Variants in CD163L1 observed in about 807,000 individuals in gnomAD.
The protein encoded by CD163L1 is scavenger receptor cysteine-rich type 1 protein M160.
Under a neutral mutation model 165.4 loss-of-function variants are expected in CD163L1, and 124 were observed. The observed-to-expected ratio is 0.75, with a 90% CI of 0.65 to 0.87. CD163L1 has a LOEUF of 0.87. CD163L1 is among the 40% of genes least tolerant of loss of function. The pLI is 0.00. For missense variants in CD163L1, 1,525 were observed against 1,799.9 expected, an observed-to-expected ratio of 0.85 and a Z score of 2.76; for synonymous variants, 585 against 662.2, an observed-to-expected ratio of 0.88 and a Z score of 1.79.
intron 8 of CD163L1, among the ~76,000 whole-genome samples, chr12:7,383,596 C>CT (rs749299527): frequency 5.9e-5 from 9 of 152,312 alleles, no homozygotes; most frequent in Admixed American, 6.5e-5. Flanking sequence ...ACCACCACCA[C>CT]TGAGGCTCAA....
At chr12:7,418,873 G>A (rs1331218246) in intron 4 of CD163L1, among the ~76,000 whole-genome samples, 1 of 151,948 alleles carries the variant, frequency 6.6e-6, no homozygotes, top group East Asian at 1.9e-4. Context: ...CAGTGATATT[G>A]AAATGGTAAT....
intron 2 of CD163L1, among the ~76,000 whole-genome samples, chr12:7,435,177 G>A (rs1313784669): frequency 2.0e-5 from 3 of 151,430 alleles, no homozygotes; most frequent in East Asian, 1.9e-4. Context: ...TTTTTTCAAC[G>A]TGTACATTAG....
chr12:7,323,434 C>A, the CD163L1 span: 1 of 1,609,924 alleles, frequency 6.2e-7, no homozygotes. Context: ...AATTTTAAGA[C>A]CATCAATTAT....
chr12:7,421,427 A>G (rs1465894161), intron 4 of CD163L1, among the ~76,000 whole-genome samples: 6 of 120,400 alleles, frequency 5.0e-5, no homozygotes, highest in African/African-American at 2.0e-4. Context: ...ATATACATAT[A>G]TGTACATATA....
At chr12:7,331,630 T>A in the CD163L1 span, among the ~76,000 whole-genome samples, 4 of 152,092 alleles carry the variant, frequency 2.6e-5, no homozygotes, top group Admixed American at 6.5e-5. Flanking sequence ...TTCACCAATA[T>A]CCGCTGTTCT....
intron 4 of CD163L1, among the ~76,000 whole-genome samples, chr12:7,415,521 C>T (rs1325663235): frequency 6.6e-6 from 1 of 152,070 alleles, no homozygotes; most frequent in African/African-American, 2.4e-5. Context: ...TGGTTTGGGG[C>T]ACCCATCAAC....
chr12:7,403,547 C>T lies in CD163L1; in HGVS notation c.1396G>A (p.Val466Ile). Residue 466 changes from valine (V) to isoleucine (I), a missense_variant, in exon 6 of 20, where the codon GTA becomes ATA. Transcript: ENST00000313599. ...CTTTGAACCTTACCAGAACAAATTA[C>T]TCCAGCATCTGATCTTCGGAAGCAT... ...RTCFRRSDAG[V>I]ICSDKADLDL... 6.2e-7 allele frequency: 1 copy of T among 1,612,062 alleles called. No homozygotes were observed. The highest frequency in any genetic ancestry group is 1.3e-5 in the African/African-American group (1 of 75,012).
intron 4 of CD163L1, among the ~76,000 whole-genome samples, chr12:7,416,326 C>G (rs900592011): frequency 1.3e-5 from 2 of 152,112 alleles, no homozygotes; most frequent in African/African-American, 4.8e-5. Flanking sequence ...AGCCCTTTGT[C>G]AGAAGGATAG....
chr12:7,380,307 A>G (rs117476401), intron 8 of CD163L1, among the ~76,000 whole-genome samples: 2,229 of 147,488 alleles, frequency 0.015, 46 homozygotes, highest in East Asian at 0.068. Flanking sequence ...GTGTGTATAC[A>G]CATATACATA....
intron 5 of CD163L1, among the ~76,000 whole-genome samples, chr12:7,406,325 A>G (rs922356046): frequency 2.0e-5 from 3 of 152,208 alleles, no homozygotes; most frequent in Admixed American, 2.0e-4. Context: ...CCTTATTCCC[A>G]TGAGGCTTAC....
chr12:7,337,630 C>T, the CD163L1 span, among the ~76,000 whole-genome samples: 1 of 152,132 alleles, frequency 6.6e-6, no homozygotes, highest in Admixed American at 6.5e-5. Context: ...CCATCCCACG[C>T]CAGTTAGAAT....
chr12:7,401,179 T>C (rs1947909600), intron 6 of CD163L1, among the ~76,000 whole-genome samples: 1 of 152,188 alleles, frequency 6.6e-6, no homozygotes, highest in Admixed American at 6.6e-5. Context: ...CACTGTAAAA[T>C]AGAGATAGAA....
chr12:7,418,304 C>A (rs1948285936), intron 4 of CD163L1, among the ~76,000 whole-genome samples: 1 of 151,938 alleles, frequency 6.6e-6, no homozygotes. Context: ...ACAATGAAAT[C>A]ATGATGGAAA....
chr12:7,399,954 G>T (rs1947885051), intron 6 of CD163L1, among the ~76,000 whole-genome samples: 1 of 152,022 alleles, frequency 6.6e-6, no homozygotes, highest in African/African-American at 2.4e-5. Context: ...TTTATAATGG[G>T]TCACTTTAAA....
chr12:7,358,518 T>C (rs1388380615), intron 18 of CD163L1, among the ~76,000 whole-genome samples: 1 of 152,084 alleles, frequency 6.6e-6, no homozygotes, highest in African/African-American at 2.4e-5. Flanking sequence ...GGAGCCCCAA[T>C]GACAACAGGG....
downstream of CD163L1, among the ~76,000 whole-genome samples, chr12:7,346,405 G>T (rs1381684574): frequency 6.6e-6 from 1 of 151,552 alleles, no homozygotes; most frequent in Non-Finnish European, 1.5e-5. Flanking sequence ...TTTGGCTTGT[G>T]TGTGTCTTTC....
the CD163L1 span, among the ~76,000 whole-genome samples, chr12:7,337,394 G>C: frequency 6.6e-6 from 1 of 152,100 alleles, no homozygotes; most frequent in Non-Finnish European, 1.5e-5. Context: ...CCTACAGAAT[G>C]GGAGAAAATT....
rs143458378 is a variant in CD163L1, at chr12:7,404,896, G to C, written c.1088-1041C>G. Reference sequence around the variant, plus strand: ...CATGATATAAGAAATCTGCAACTTGGAGATTGATTTATACAGGGTCACATA... The same window carrying C: ...CATGATATAAGAAATCTGCAACTTGCAGATTGATTTATACAGGGTCACATA... On this transcript the variant is annotated intron_variant, in intron 5 of 19. Transcript: ENST00000313599. Among the ~76,000 whole-genome samples the C allele has an allele frequency of 2.9e-3, 436 of 152,178 alleles. 2 individuals are homozygous for C. The highest frequency in any genetic ancestry group is 1.0e-2 in the African/African-American group (415 of 41,518).
chr12:7,440,787 C>T (rs910693293), intron 2 of CD163L1, among the ~76,000 whole-genome samples: 5 of 151,974 alleles, frequency 3.3e-5, no homozygotes, highest in Non-Finnish European at 7.4e-5. Flanking sequence ...CCACCACACC[C>T]GGCTAATTTT....
Sources: allele counts gnomAD v4.1 joint callset (sites outside exome capture counted in the v4.1 genomes callset), GRCh38; gene constraint gnomAD v4.1.1; transcripts MANE v1.5; gene names NCBI Gene and HGNC (gene_info 2026-07-23, HGNC 2026-07-21).